MDN1: variants seen among roughly 807,000 people sequenced by gnomAD.
The protein encoded by MDN1 is midasin.
In MDN1, 266 loss-of-function variants were observed where a neutral mutation model predicts 669.2. That is an observed-to-expected ratio of 0.40 (90% confidence interval 0.36 to 0.44). The LOEUF (loss-of-function observed/expected upper bound fraction) is 0.44, where lower values mean the gene tolerates loss of function less well. MDN1 is among the 20% of genes least tolerant of loss of function. MDN1 has a pLI of 1.00. For missense variants in MDN1, 5,940 were observed against 6,754.0 expected, an observed-to-expected ratio of 0.88 and a Z score of 4.22; for synonymous variants, 2,385 against 2,457.1, an observed-to-expected ratio of 0.97 and a Z score of 0.87.
intron 32 of MDN1, 147 bp from the exon 33 acceptor site, chr6:89,738,602 G>T (rs916668640): frequency 2.4e-6 from 2 of 845,682 alleles, no homozygotes; most frequent in Non-Finnish European, 3.6e-6. Flanking sequence ...ATAATTAATT[G>T]AAGATGTACT....
intron 72 of MDN1, 34 bp downstream of exon 72, chr6:89,683,797 T>C (rs1584180203): frequency 5.9e-6 from 9 of 1,534,164 alleles, no homozygotes; most frequent in Non-Finnish European, 8.1e-6. Context: ...TTCTATTCTA[T>C]TTTGGTTGTC....
intron 27 of MDN1, among the ~76,000 whole-genome samples, chr6:89,745,854 A>G (rs921333467): frequency 5.3e-5 from 8 of 152,250 alleles, no homozygotes; most frequent in African/African-American, 1.9e-4. Context: ...GTCGAAAGAC[A>G]TAAGCAGGAA....
intron 1 of MDN1, among the ~76,000 whole-genome samples, chr6:89,818,470 CA>C (rs869031436): frequency 4.0e-4 from 60 of 148,630 alleles, no homozygotes; most frequent in Non-Finnish European, 5.8e-4. Flanking sequence ...CTTACAACTA[CA>C]AAAAAAAAAT....
rs199837313 is a variant in MDN1 at position 89,772,724 on chromosome 6, G to C, written c.1935-3C>G. 26 of 1,611,526 alleles carry C rather than the reference G, an allele frequency of 1.6e-5. No individual in the cohort carries two copies. The highest frequency in any genetic ancestry group is 1.6e-4 in the East Asian group (7 of 44,842). On this transcript the variant is annotated splice_region_variant and splice_polypyrimidine_tract_variant and intron_variant, in intron 13 of 101. Coordinates refer to ENST00000369393, the MANE Select transcript of MDN1 (RefSeq NM_014611.3). Reference sequence around the variant, plus strand: ...TAGCAGCGAAAGTGAACTTCTCCCTGGGAAGGAGAAAAAAAGAGTTTAAAA... The same window carrying C: ...TAGCAGCGAAAGTGAACTTCTCCCTCGGAAGGAGAAAAAAAGAGTTTAAAA...
rs749856408 is a variant in MDN1, at chr6:89,781,584, C to G, written c.1458G>C (p.Gln486His). 1.3e-6 allele frequency: 2 copies of G among 1,580,700 alleles called. No homozygotes were observed. Among genetic ancestry groups the G allele is most frequent in the East Asian group, 2.3e-5 (1 of 44,392 alleles). Residue 486 changes from glutamine to histidine, a missense_variant, in exon 10 of 102, where the codon CAG becomes CAC. Physicochemically the swap from Gln to His is conservative, Grantham distance 24 (BLOSUM62 0). Around this residue, in one of 5 missense-constraint regions of MDN1, gnomAD observed 1,203 missense variants for 1,268.9 expected, o/e 0.95. Coordinates refer to ENST00000369393, the MANE Select transcript of MDN1 (RefSeq NM_014611.3). The stretch of plus-strand genomic sequence containing the variant: ...CTGCCAATAGGCTAGGATATCTGCT[C>G]TGAAGAACCTGACAGAGGGGGAAAA... ...LDKRELNEVL[Q>H]SRYPSLLAVV...
At chr6:89,814,384 CTTT>C (rs35652654) in intron 1 of MDN1, among the ~76,000 whole-genome samples, 3 of 137,888 alleles carry the variant, frequency 2.2e-5, no homozygotes. Context: ...AATCCCCCTC[CTTT>C]TTTTTTTTTT....
intron 53 of MDN1, 54 bp from the exon 54 acceptor site, chr6:89,702,115 G>A: frequency 6.6e-7 from 1 of 1,520,620 alleles, no homozygotes. Context: ...AAAGCAAGAA[G>A]AAAAATAAAA....
intron 43 of MDN1, among the ~76,000 whole-genome samples, chr6:89,717,776 G>A (rs989582939): frequency 5.9e-5 from 9 of 152,040 alleles, no homozygotes; most frequent in African/African-American, 1.7e-4. Context: ...TGATTTCTTC[G>A]GCTATAAGGA....
At chr6:89,808,105 T>C (rs1045696809) in intron 1 of MDN1, among the ~76,000 whole-genome samples, 25 of 152,030 alleles carry the variant, frequency 1.6e-4, no homozygotes, top group South Asian at 4.2e-4. Context: ...TTTTTTTTTT[T>C]CCCGAACATT....
chr6:89,783,113 G>A (rs1818765867), intron 9 of MDN1, among the ~76,000 whole-genome samples: 1 of 152,142 alleles, frequency 6.6e-6, no homozygotes, highest in Admixed American at 6.5e-5. Context: ...AACAAGGACA[G>A]ACAACCATAA....
intron 63 of MDN1, among the ~76,000 whole-genome samples, chr6:89,691,043 C>A (rs931316723): frequency 6.6e-6 from 1 of 152,176 alleles, no homozygotes; most frequent in East Asian, 1.9e-4. Flanking sequence ...TTTCCTAAAT[C>A]CCCCCTGCTG....
intron 15 of MDN1, among the ~76,000 whole-genome samples, chr6:89,769,131 A>G (rs775970786): frequency 6.6e-6 from 1 of 152,156 alleles, no homozygotes; most frequent in Non-Finnish European, 1.5e-5. Context: ...TATATTTAAC[A>G]TAACTTATAA....
chr6:89,722,860 A>G, intron 40 of MDN1, 95 bp downstream of exon 40: 1 of 1,165,004 alleles, frequency 8.6e-7, no homozygotes, highest in South Asian at 1.8e-5. Flanking sequence ...AAAAAAAAAA[A>G]AAAAAAAGGC....
chr6:89,734,584 TG>T (rs1815801636), intron 33 of MDN1, among the ~76,000 whole-genome samples: 1 of 147,182 alleles, frequency 6.8e-6, no homozygotes, highest in African/African-American at 2.5e-5. Flanking sequence ...GGTTTGAGCC[TG>T]GGAGGCAGAA....
chr6:89,770,475 A>G (rs1175486631), intron 15 of MDN1, among the ~76,000 whole-genome samples: 3 of 152,116 alleles, frequency 2.0e-5, no homozygotes, highest in Non-Finnish European at 2.9e-5. Flanking sequence ...AAAATCATAT[A>G]TATTAATAAG....
chr6:89,684,172 G>C (rs549330256), intron 71 of MDN1, among the ~76,000 whole-genome samples: 1 of 152,034 alleles, frequency 6.6e-6, no homozygotes, highest in African/African-American at 2.4e-5. Context: ...GTGAAACCCC[G>C]TCTCTACTAA....
chr6:89,738,434 G>T lies in MDN1; in HGVS notation c.4615C>A (p.Arg1539=), dbSNP rs756184319. The change falls in exon 33 of 102, where the codon CGG becomes AGG. Residue 1539 remains arginine (R), a synonymous_variant. Transcript: ENST00000369393. ...TGAGGGCACCATATTTCTGTAAACC[G>T]GTTTCTTAAGGCAGGAGACAGCTAT... is the stretch of plus-strand genomic sequence containing the variant. ...KKELSPALRN[R]FTEIWCPQST... is the part of the protein sequence containing the mutation. 14 of 1,613,846 alleles carry T rather than the reference G, an allele frequency of 8.7e-6. No homozygotes were observed. Among genetic ancestry groups the T allele is most frequent in the Non-Finnish European group, 7.6e-6 (9 of 1,179,920 alleles).
Position 89,668,701 on chromosome 6 carries a change from T to A in MDN1, c.13957-550A>T, listed in dbSNP as rs1810437564. On this transcript the variant is annotated intron_variant, in intron 83 of 101. Coordinates refer to ENST00000369393, the MANE Select transcript of MDN1 (RefSeq NM_014611.3). ...CTGAGGATGGGAATGCACAAAAAAA[T>A]AAGCTGCTAATTAGCAAGGAATTAA... 2.0e-5 allele frequency among the ~76,000 whole-genome samples: 3 copies of A among 152,212 alleles called. No homozygotes were observed. In the South Asian group the frequency reaches 6.2e-4, roughly 32 times the overall value.
At chr6:89,696,845 A>G (rs1234614237) in intron 59 of MDN1, among the ~76,000 whole-genome samples, 1 of 152,204 alleles carries the variant, frequency 6.6e-6, no homozygotes, top group Non-Finnish European at 1.5e-5. Flanking sequence ...TGCAGAAGGG[A>G]AAGAAACACA....
Sources: gnomAD v4.1 joint callset for allele counts (sites outside exome capture counted in the v4.1 genomes callset) on GRCh38, gnomAD v4.1.1 for gene constraint, gnomAD v4.1.1 regional missense constraint, MANE v1.5 for transcripts, NCBI Gene and HGNC (gene_info 2026-07-23, HGNC 2026-07-21) for gene names.